Variants in ENTREP2 observed in about 807,000 individuals in gnomAD.
ENTREP2 encodes the protein protein ENTREP2.
the ENTREP2 span, among the ~76,000 whole-genome samples, chr15:29,640,416 G>C: frequency 3.7e-4 from 56 of 152,162 alleles, no homozygotes; most frequent in African/African-American, 1.2e-3. Flanking sequence ...CCAGCACTTT[G>C]GAAGGCTGAG....
chr15:29,365,439 G>C, the ENTREP2 span, among the ~76,000 whole-genome samples: 1 of 151,836 alleles, frequency 6.6e-6, no homozygotes, highest in Non-Finnish European at 1.5e-5. Flanking sequence ...TTTTAGTAGA[G>C]ATGGGATTTC....
the ENTREP2 span, among the ~76,000 whole-genome samples, chr15:29,524,708 C>A: frequency 1.7e-4 from 26 of 152,348 alleles, no homozygotes; most frequent in South Asian, 1.2e-3. Context: ...ACAGCAGACA[C>A]CCTGCCAGAT....
chr15:29,609,336 C>T, the ENTREP2 span, among the ~76,000 whole-genome samples: 1 of 150,048 alleles, frequency 6.7e-6, no homozygotes, highest in African/African-American at 2.4e-5. Context: ...AATCAATGTG[C>T]CCTATTATTG....
chr15:29,641,006 A>G, the ENTREP2 span, among the ~76,000 whole-genome samples: 1 of 152,240 alleles, frequency 6.6e-6, no homozygotes, highest in Non-Finnish European at 1.5e-5. Flanking sequence ...CCAGGAATGG[A>G]AAGTTGGCTT....
the ENTREP2 span, among the ~76,000 whole-genome samples, chr15:29,185,959 A>C: frequency 6.8e-4 from 104 of 152,190 alleles, no homozygotes; most frequent in African/African-American, 1.9e-3. Context: ...TTTAAAAATA[A>C]CCTCTGATCT....
At chr15:29,130,041 A>G in the ENTREP2 span, among the ~76,000 whole-genome samples, 6 of 152,208 alleles carry the variant, frequency 3.9e-5, 1 homozygote, top group African/African-American at 1.4e-4. Context: ...CGCCACTTCA[A>G]TCAGATAGCT....
chr15:29,155,100 G>T, the ENTREP2 span, among the ~76,000 whole-genome samples: 7 of 148,772 alleles, frequency 4.7e-5, no homozygotes, highest in Non-Finnish European at 1.1e-4. Flanking sequence ...GGCTAACACG[G>T]TGAAACCCCG....
the ENTREP2 span, among the ~76,000 whole-genome samples, chr15:29,660,045 G>T: frequency 6.6e-6 from 1 of 152,030 alleles, no homozygotes; most frequent in Non-Finnish European, 1.5e-5. Context: ...CAAGCAATCC[G>T]CCTGCCTTGG....
the ENTREP2 span, among the ~76,000 whole-genome samples, chr15:29,339,399 G>T: frequency 6.6e-6 from 1 of 152,366 alleles, no homozygotes; most frequent in African/African-American, 2.4e-5. Context: ...TCTGGGGACA[G>T]ACAGGCATGA....
the ENTREP2 span, among the ~76,000 whole-genome samples, chr15:29,624,546 CAT>C: frequency 6.6e-6 from 1 of 152,176 alleles, no homozygotes; most frequent in Non-Finnish European, 1.5e-5. Flanking sequence ...CAGTACAGCA[CAT>C]GATTTAGCTG....
At chr15:29,245,911 A>G in the ENTREP2 span, among the ~76,000 whole-genome samples, 1 of 152,152 alleles carries the variant, frequency 6.6e-6, no homozygotes, top group South Asian at 2.1e-4. Context: ...TTGGAGAGCA[A>G]TTTAGGAATA....
chr15:29,537,364 C>A, the ENTREP2 span, among the ~76,000 whole-genome samples: 1 of 152,158 alleles, frequency 6.6e-6, no homozygotes, highest in East Asian at 1.9e-4. Flanking sequence ...TGCCGTTATC[C>A]TTATATATAC....
chr15:29,639,268 C>A, the ENTREP2 span, among the ~76,000 whole-genome samples: 2 of 152,090 alleles, frequency 1.3e-5, no homozygotes, highest in African/African-American at 4.8e-5. Context: ...AAAAACTGGC[C>A]GAGTCTTGAC....
At chr15:29,128,036 T>G in the ENTREP2 span, among the ~76,000 whole-genome samples, 1 of 152,234 alleles carries the variant, frequency 6.6e-6, no homozygotes, top group South Asian at 2.1e-4. Flanking sequence ...CCTTCCTGTT[T>G]CTCTTAGATG....
At chr15:29,570,943 G>A in the ENTREP2 span, among the ~76,000 whole-genome samples, 4 of 144,592 alleles carry the variant, frequency 2.8e-5, no homozygotes, top group East Asian at 6.2e-4. Context: ...CGCCGCCGCC[G>A]CGCCGCCCGC....
At chr15:29,344,253 T>C in the ENTREP2 span, among the ~76,000 whole-genome samples, 5 of 152,198 alleles carry the variant, frequency 3.3e-5, no homozygotes, top group Non-Finnish European at 7.3e-5. Context: ...GTGCAAGGAT[T>C]CAGAGATGTC....
chr15:29,429,133 C>T, the ENTREP2 span, among the ~76,000 whole-genome samples: 1 of 152,156 alleles, frequency 6.6e-6, no homozygotes, highest in East Asian at 1.9e-4. Context: ...GTCCATTCAT[C>T]TATCTTGAGA....
At chr15:29,469,376 T>A in the ENTREP2 span, among the ~76,000 whole-genome samples, 1 of 152,108 alleles carries the variant, frequency 6.6e-6, no homozygotes, top group Non-Finnish European at 1.5e-5. Context: ...ATTTTTGTAT[T>A]TTTAGTAGAG....
chr15:29,341,401 G>C, the ENTREP2 span, among the ~76,000 whole-genome samples: 1 of 152,326 alleles, frequency 6.6e-6, no homozygotes, highest in African/African-American at 2.4e-5. Context: ...GGCATAACAA[G>C]GCTAATGAAC....
Sources: gnomAD v4.1 joint callset for allele counts (sites outside exome capture counted in the v4.1 genomes callset) on GRCh38, gnomAD v4.1.1 for gene constraint, MANE v1.5 for transcripts, NCBI Gene and HGNC (gene_info 2026-07-23, HGNC 2026-07-21) for gene names.